Variants in GREM2 observed in about 807,000 individuals in gnomAD.
The protein encoded by GREM2 is gremlin 2, DAN family BMP antagonist.
A neutral mutation model predicts 14.2 loss-of-function variants in GREM2; 11 were observed. The observed-to-expected ratio is 0.78, with a 90% CI of 0.49 to 1.28. The LOEUF (loss-of-function observed/expected upper bound fraction) is 1.28, where lower values mean the gene tolerates loss of function less well. Ranked by LOEUF, GREM2 falls within the 50% of genes most tolerant of loss-of-function variation. GREM2 has a pLI of 0.00. For missense variants in GREM2, 210 were observed against 218.5 expected (o/e 0.96, Z 0.24); for synonymous variants, 98 against 97.6 (o/e 1.00, Z -0.02).
At chr1:240,547,908 T>C (rs1449278211) in intron 1 of GREM2, among the ~76,000 whole-genome samples, 3 of 151,910 alleles carry the variant, frequency 2.0e-5, no homozygotes, top group Non-Finnish European at 4.4e-5. Context: ...GAGAGAATAC[T>C]AAATATGTTA....
chr1:240,526,223 C>G (rs1403128128), intron 1 of GREM2, among the ~76,000 whole-genome samples: 1 of 152,162 alleles, frequency 6.6e-6, no homozygotes, highest in African/African-American at 2.4e-5. Flanking sequence ...TTTCGTCTGC[C>G]ACGCCTCTCT....
rs112470155 is a variant in GREM2, at chr1:240,554,406, C to T, written c.-2+57478G>A. Among the ~76,000 whole-genome samples, 487 of 148,814 alleles carry T rather than the reference C, an allele frequency of 3.3e-3. 1 individual carries two copies. Among genetic ancestry groups the T allele is most frequent in the African/African-American group, 0.011 (446 of 40,462 alleles). On this transcript the variant is annotated intron_variant, in intron 1 of 1. Coordinates refer to ENST00000318160, the MANE Select transcript of GREM2 (RefSeq NM_022469.4). ...AGCCTGGGTGACAAGAAAGAAACTC[C>T]GTCTCGAAAAAAAAAAAAAAAGATG... is the stretch of plus-strand genomic sequence containing the variant.
intron 1 of GREM2, among the ~76,000 whole-genome samples, chr1:240,505,177 C>T (rs1677650918): frequency 6.6e-6 from 1 of 152,144 alleles, no homozygotes; most frequent in South Asian, 2.1e-4. Flanking sequence ...CTTCAACTTC[C>T]GCCATGACTG....
chr1:240,578,013 C>T (rs923178612), intron 1 of GREM2, among the ~76,000 whole-genome samples: 1 of 152,088 alleles, frequency 6.6e-6, no homozygotes, highest in Non-Finnish European at 1.5e-5. Flanking sequence ...GAAGGTGGGT[C>T]GCTGGGCTGT....
chr1:240,572,296 T>C (rs992387817), intron 1 of GREM2, among the ~76,000 whole-genome samples: 1 of 152,218 alleles, frequency 6.6e-6, no homozygotes, highest in Admixed American at 6.5e-5. Flanking sequence ...GAATCAAATT[T>C]AATCCACTGG....
In GREM2 at chr1:240,505,324, T is replaced by C. The variant is rs765253221; in HGVS notation, c.-1-11848A>G. Among the ~76,000 whole-genome samples, 41 of 152,186 alleles carry C rather than the reference T, an allele frequency of 2.7e-4. 1 individual carries two copies. Among genetic ancestry groups the C allele is most frequent in the Non-Finnish European group, 5.4e-4 (37 of 68,032 alleles). On this transcript the variant is annotated intron_variant, in intron 1 of 1. Transcript: ENST00000318160. ...TCTCAGATATTTCTTTATAGCCGAC[T>C]AATACAGTATGTATTGCATATATGA...
At chr1:240,510,298 A>G (rs112435974) in intron 1 of GREM2, among the ~76,000 whole-genome samples, 25,209 of 128,886 alleles carry the variant, frequency 0.2, 2,269 homozygotes, top group Middle Eastern at 0.33. Flanking sequence ...TGAACCGGGG[A>G]GGCGGAGCTT....
At chr1:240,515,478 G>A (rs1397158997) in intron 1 of GREM2, among the ~76,000 whole-genome samples, 2 of 143,390 alleles carry the variant, frequency 1.4e-5, no homozygotes, top group Non-Finnish European at 3.0e-5. Context: ...TCTCAGAAGT[G>A]CTTTAAGTCT....
In GREM2 at chr1:240,540,849, C is replaced by G. The variant is rs1678572402; in HGVS notation, c.-1-47373G>C. On this transcript the variant is annotated intron_variant, in intron 1 of 1. Transcript: ENST00000318160. The surrounding 1 kb of genome is among the most constrained non-coding windows in gnomAD (Gnocchi z 4.2). ...GTGCTGGGATTACAGGTGTGAGCCACCACGCCAGGCCGCATAATACTTCTT... is the reference window on the plus strand; with the variant it reads ...GTGCTGGGATTACAGGTGTGAGCCAGCACGCCAGGCCGCATAATACTTCTT... Among the ~76,000 whole-genome samples, 1 of 152,144 alleles carries G rather than the reference C, an allele frequency of 6.6e-6. No individual in the cohort carries two copies. The highest frequency in any genetic ancestry group is 2.4e-5 in the African/African-American group (1 of 41,436).
chr1:240,529,090 A>G (rs1164099061), intron 1 of GREM2, among the ~76,000 whole-genome samples: 2 of 152,158 alleles, frequency 1.3e-5, no homozygotes, highest in African/African-American at 2.4e-5. Context: ...CAGTAGGTCT[A>G]TAAAGGGCTT....
At chr1:240,563,365 G>C (rs1488654177) in intron 1 of GREM2, among the ~76,000 whole-genome samples, 1 of 152,196 alleles carries the variant, frequency 6.6e-6, no homozygotes, top group Non-Finnish European at 1.5e-5. Context: ...GTTCATGGTG[G>C]ATGGACTTCT....
At chr1:240,497,243 TA>T (rs150042547) in intron 1 of GREM2, among the ~76,000 whole-genome samples, 3 of 152,130 alleles carry the variant, frequency 2.0e-5, no homozygotes, top group African/African-American at 7.2e-5. Context: ...GCATTCTTTT[TA>T]AAAAAAGTTT....
chr1:240,552,524 G>A (rs767077571), intron 1 of GREM2, among the ~76,000 whole-genome samples: 47 of 152,192 alleles, frequency 3.1e-4, no homozygotes, highest in Non-Finnish European at 2.6e-4. Flanking sequence ...GAGCCCAAGA[G>A]TTTGAGATTA....
Position 240,493,437 on chromosome 1 carries a change from C to A in GREM2, c.39G>T (p.Ala13=), listed in dbSNP as rs751019745. ...GGGCTTCCGCCACCTTCACCAGCAC[C>A]GCCACCAGGAACAAGGACAGGGAAA... is the stretch of plus-strand genomic sequence containing the variant. The part of the protein sequence containing the change: ...WKLSLSLFLV[A]VLVKVAEARK... The change falls in exon 2 of 2, where the codon GCG becomes GCT. Residue 13 remains alanine, a synonymous_variant. Transcript: ENST00000318160. 3.1e-6 allele frequency: 5 copies of A among 1,611,186 alleles called. No homozygotes were observed. Among genetic ancestry groups the A allele is most frequent in the African/African-American group, 2.7e-5 (2 of 75,024 alleles).
intron 1 of GREM2, among the ~76,000 whole-genome samples, chr1:240,555,986 A>T (rs1187523130): frequency 6.6e-6 from 1 of 152,142 alleles, no homozygotes; most frequent in African/African-American, 2.4e-5. Flanking sequence ...GCTTTCCAAC[A>T]CCTCTTTACA....
intron 1 of GREM2, among the ~76,000 whole-genome samples, chr1:240,514,412 G>A (rs1465350994): frequency 6.6e-6 from 1 of 152,118 alleles, no homozygotes; most frequent in Non-Finnish European, 1.5e-5. Flanking sequence ...AGTTTGAGAT[G>A]TCTATTAGAT....
At chr1:240,504,980 A>G (rs773011300) in intron 1 of GREM2, among the ~76,000 whole-genome samples, 7 of 152,076 alleles carry the variant, frequency 4.6e-5, no homozygotes, top group Non-Finnish European at 1.0e-4. Context: ...ATAATCCCCA[A>G]TGTTGGAGGT....
At chr1:240,554,407 G>A (rs548726878) in intron 1 of GREM2, among the ~76,000 whole-genome samples, 16 of 144,480 alleles carry the variant, frequency 1.1e-4, no homozygotes, top group African/African-American at 1.5e-4. Flanking sequence ...AAGAAACTCC[G>A]TCTCGAAAAA....
chr1:240,576,095 A>C (rs1679367869), intron 1 of GREM2, among the ~76,000 whole-genome samples: 1 of 152,222 alleles, frequency 6.6e-6, no homozygotes, highest in Non-Finnish European at 1.5e-5. Context: ...TATGGCAAAC[A>C]ACCACATACC....
Sources: gnomAD v4.1 joint callset for allele counts (sites outside exome capture counted in the v4.1 genomes callset) on GRCh38, gnomAD v4.1.1 for gene constraint, Gnocchi (gnomAD v3.1) non-coding constraint, MANE v1.5 for transcripts, NCBI Gene and HGNC (gene_info 2026-07-23, HGNC 2026-07-21) for gene names.